The following ZNF385C variants were observed in gnomAD, a reference collection of about 807,000 sequenced individuals.
The protein encoded by ZNF385C is zinc finger protein 385C, also known as CTD-2132N18.2.
Under a neutral mutation model 35.4 loss-of-function variants are expected in ZNF385C, and 28 were observed. The ratio of observed to expected loss-of-function variants is 0.79; its 90% confidence interval spans 0.59 to 1.08. ZNF385C has a LOEUF of 1.08. Ranked by LOEUF, ZNF385C falls within the 50% of genes least tolerant of loss-of-function variation. ZNF385C has a pLI of 0.00. For missense variants in ZNF385C, 605 were observed against 595.6 expected, an observed-to-expected ratio of 1.02 and a Z score of -0.16; for synonymous variants, 248 against 248.2, an observed-to-expected ratio of 1.00 and a Z score of 0.01.
rs532049975 is a variant in ZNF385C, at chr17:42,062,934, C to T, written c.123G>A (p.Ser41=). ...PKPKRERKRP[S]YTLCDVCNIQ... ...TGTTGCAGACATCACAGAGCGTGTA[C>T]GATGGCCGCTTTCTTTCTCGCTTGG... Residue 41 remains serine, a synonymous_variant, in exon 2 of 9, where the codon TCG becomes TCA. Transcript: ENST00000692273. 22 of 698,090 alleles carry T rather than the reference C, an allele frequency of 3.2e-5. 1 individual carries two copies. The highest frequency in any genetic ancestry group is 1.9e-4 in the African/African-American group (11 of 56,994). The allele number at this position is 698,090 out of a possible 1,614,324, so 43.2% of individuals were successfully genotyped here. A position where few individuals can be genotyped will look rare whatever the true frequency, so the allele number is the denominator to read the frequency against.
At chr17:42,081,338 G>A (rs982554245) in intron 1 of ZNF385C, among the ~76,000 whole-genome samples, 20 of 152,206 alleles carry the variant, frequency 1.3e-4, no homozygotes, top group African/African-American at 4.1e-4. Context: ...AACCACTCAC[G>A]GGAATCACCT....
At chr17:42,047,020 G>C (rs2053176386) in intron 2 of ZNF385C, among the ~76,000 whole-genome samples, 1 of 135,616 alleles carries the variant, frequency 7.4e-6, no homozygotes, top group Non-Finnish European at 1.5e-5. Context: ...ATGCCGCCAT[G>C]CCCGGCTAAT....
At chr17:42,040,095 G>A (rs2052976916) in intron 2 of ZNF385C, 1 of 1,231,280 alleles carries the variant, frequency 8.1e-7, no homozygotes, top group South Asian at 4.1e-5. Context: ...GAGCAAAGCC[G>A]CGCAGCAGCA....
chr17:42,055,112 C>G (rs6503683), intron 2 of ZNF385C, among the ~76,000 whole-genome samples: 114,481 of 151,464 alleles, frequency 0.76, 44,565 homozygotes, highest in South Asian at 0.86. Flanking sequence ...CCCCCGACCC[C>G]CTCAGCATCC....
intron 1 of ZNF385C, among the ~76,000 whole-genome samples, chr17:42,068,411 C>G (rs2053578217): frequency 1.3e-5 from 2 of 151,936 alleles, no homozygotes; most frequent in Non-Finnish European, 2.9e-5. Context: ...GCTTCCCTGT[C>G]TTTCTCTTCG....
chr17:42,034,378 T>C (rs1187816754), intron 3 of ZNF385C, 43 bp from the exon 4 acceptor site: 1 of 1,477,280 alleles, frequency 6.8e-7, no homozygotes, highest in African/African-American at 1.4e-5. Context: ...GGGGTTGGCT[T>C]GGGAAGCAGG....
At chr17:42,083,575 A>C (rs962412185) in intron 1 of ZNF385C, among the ~76,000 whole-genome samples, 1 of 152,050 alleles carries the variant, frequency 6.6e-6, no homozygotes, top group African/African-American at 2.4e-5. Flanking sequence ...TGGCCCAAAA[A>C]ACAAAGATTT....
intron 2 of ZNF385C, chr17:42,040,343 C>T (rs1555655998): frequency 2.4e-6 from 3 of 1,231,842 alleles, no homozygotes; most frequent in Middle Eastern, 3.1e-4. Flanking sequence ...CCGCTGCTGG[C>T]GTCAGGGTCC....
chr17:42,028,519 C>A, intron 6 of ZNF385C: 1 of 586,724 alleles, frequency 1.7e-6, no homozygotes, highest in Non-Finnish European at 3.0e-6. Flanking sequence ...AGGAGAGAGG[C>A]AGATGTCTCC....
chr17:42,075,564 G>A (rs1490333820), intron 1 of ZNF385C, among the ~76,000 whole-genome samples: 1 of 145,104 alleles, frequency 6.9e-6, no homozygotes, highest in Non-Finnish European at 1.5e-5. Context: ...GCGCGATCTC[G>A]GCTCACTGCA....
chr17:42,034,395 G>C (rs1256302568), intron 3 of ZNF385C, 60 bp from the exon 4 acceptor site: 1 of 1,289,872 alleles, frequency 7.8e-7, no homozygotes, highest in Non-Finnish European at 1.1e-6. Context: ...CAGGGGTCGG[G>C]GGCAGCACAA....
chr17:42,052,083 C>A (rs797031136), intron 2 of ZNF385C, among the ~76,000 whole-genome samples: 2 of 152,228 alleles, frequency 1.3e-5, no homozygotes, highest in African/African-American at 4.8e-5. Context: ...CATTTTGCTG[C>A]GGAACAGCCA....
At chr17:42,080,966 C>T (rs1423507485) in intron 1 of ZNF385C, among the ~76,000 whole-genome samples, 3 of 152,188 alleles carry the variant, frequency 2.0e-5, no homozygotes, top group African/African-American at 4.8e-5. Context: ...GTAGTATATA[C>T]CTCATGGGGT....
At chr17:42,065,144 G>C (rs928058419) in intron 1 of ZNF385C, 1 of 152,170 alleles carries the variant, frequency 6.6e-6, no homozygotes. Flanking sequence ...GAGCCACCGC[G>C]CTGGGTCTCA....
rs2053489138 is a variant in ZNF385C, at chr17:42,063,070, G to A, written c.-2-12C>T. Reference sequence around the variant, plus strand: ...TGGCCGCTTCATATCTGAGTGGATAGAGAGGGAGATGAATGAACGCCAAAT... The same window carrying A: ...TGGCCGCTTCATATCTGAGTGGATAAAGAGGGAGATGAATGAACGCCAAAT... On this transcript the variant is annotated splice_polypyrimidine_tract_variant and intron_variant, in intron 1 of 8. Coordinates refer to ENST00000692273, the MANE Select transcript of ZNF385C (RefSeq NM_001392013.1). The A allele has an allele frequency of 3.3e-6, 2 of 605,862 alleles. No individual in the cohort carries two copies. The highest frequency in any genetic ancestry group is 5.9e-6 in the Non-Finnish European group (2 of 340,248). The allele number at this position is 605,862 out of a possible 1,614,324, so 37.5% of individuals were successfully genotyped here. A position where few individuals can be genotyped will look rare whatever the true frequency, so the allele number is the denominator to read the frequency against.
chr17:42,048,253 C>A (rs1555656811), intron 2 of ZNF385C, among the ~76,000 whole-genome samples: 1 of 151,710 alleles, frequency 6.6e-6, no homozygotes, highest in East Asian at 1.9e-4. Flanking sequence ...ATATGCCATT[C>A]TTGGCTGGAT....
chr17:42,034,561 C>T (rs1555655240), intron 3 of ZNF385C, among the ~76,000 whole-genome samples: 5 of 151,942 alleles, frequency 3.3e-5, no homozygotes, highest in South Asian at 2.1e-4. Context: ...AGGCAGATCA[C>T]CTCAGGTTGG....
intron 2 of ZNF385C, among the ~76,000 whole-genome samples, chr17:42,046,358 T>G (rs565290511): frequency 2.6e-5 from 4 of 152,270 alleles, no homozygotes; most frequent in African/African-American, 9.6e-5. Flanking sequence ...TTTGGGAAGC[T>G]GAGGTAGGAG....
chr17:42,030,544 C>A (rs1050205185), intron 5 of ZNF385C, among the ~76,000 whole-genome samples: 39 of 151,944 alleles, frequency 2.6e-4, no homozygotes, highest in Non-Finnish European at 5.4e-4. Flanking sequence ...TACAAAAAAA[C>A]CCCTGCACAC....
Sources: allele counts gnomAD v4.1 joint callset (sites outside exome capture counted in the v4.1 genomes callset), GRCh38; gene constraint gnomAD v4.1.1; transcripts MANE v1.5; gene names NCBI Gene and HGNC (gene_info 2026-07-23, HGNC 2026-07-21).